CDX1: variants seen among roughly 807,000 people sequenced by gnomAD.
The protein encoded by CDX1 is caudal type homeobox 1.
CDX1 carries 9 observed loss-of-function variants against 16.9 expected under a neutral mutation model. That is an observed-to-expected ratio of 0.53 (90% CI 0.32 to 0.93). The LOEUF is 0.93. Ranked by LOEUF, CDX1 falls within the 40% of genes least tolerant of loss-of-function variation. The pLI is 0.04. For synonymous variants in CDX1, 179 were observed against 179.0 expected, an observed-to-expected ratio of 1.00 and a Z score of 0.00; for missense variants, 393 against 386.1, an observed-to-expected ratio of 1.02 and a Z score of -0.15.
chr5:150,176,996 G>C lies in CDX1; in HGVS notation c.446-5772G>C, dbSNP rs552082518. ...GAGCTGGATTTGTGGTCCAGGCCTT[G>C]GGGGGCCAAAGCTGGTCATCCACCA... On this transcript the variant is annotated intron_variant, in intron 1 of 2. Transcript: ENST00000231656. Among the ~76,000 whole-genome samples, 342 of 152,310 alleles carry C rather than the reference G, an allele frequency of 2.2e-3. 3 individuals carry two copies. In the Middle Eastern group the frequency reaches 0.034, roughly 15 times the overall value.
chr5:150,177,898 T>G (rs571665845), intron 1 of CDX1, among the ~76,000 whole-genome samples: 29 of 152,198 alleles, frequency 1.9e-4, no homozygotes, highest in African/African-American at 6.3e-4. Flanking sequence ...GTACCTCTGT[T>G]GGGCTCCACA....
intron 1 of CDX1, among the ~76,000 whole-genome samples, chr5:150,168,000 A>G (rs772203811): frequency 2.5e-4 from 38 of 152,090 alleles, no homozygotes; most frequent in South Asian, 6.2e-4. Flanking sequence ...GGCCTCTCTG[A>G]TCCGCCCTCT....
intron 1 of CDX1, among the ~76,000 whole-genome samples, chr5:150,168,301 G>T (rs1004885848): frequency 6.6e-6 from 1 of 152,112 alleles, no homozygotes; most frequent in Non-Finnish European, 1.5e-5. Context: ...CCACCTCCTC[G>T]CACTCTTCAC....
At chr5:150,176,424 G>A (rs146370988) in intron 1 of CDX1, among the ~76,000 whole-genome samples, 292 of 152,234 alleles carry the variant, frequency 1.9e-3, no homozygotes, top group East Asian at 3.5e-3. Context: ...TATGCCCTTC[G>A]TTTGTCATTC....
intron 1 of CDX1, among the ~76,000 whole-genome samples, chr5:150,180,014 G>C (rs1393037258): frequency 6.6e-6 from 1 of 152,234 alleles, no homozygotes; most frequent in Non-Finnish European, 1.5e-5. Context: ...GGTAGGACTG[G>C]AAGGGCTCAC....
chr5:150,167,885 C>T (rs992655680), intron 1 of CDX1, among the ~76,000 whole-genome samples: 1 of 152,216 alleles, frequency 6.6e-6, no homozygotes, highest in African/African-American at 2.4e-5. Context: ...CTTACCTTCT[C>T]AGGGTCCTCC....
intron 1 of CDX1, among the ~76,000 whole-genome samples, chr5:150,174,193 C>T (rs1034007899): frequency 2.0e-5 from 3 of 152,182 alleles, no homozygotes; most frequent in East Asian, 1.9e-4. Context: ...CGTGAGACTT[C>T]GGGAGCCACA....
At chr5:150,181,248 A>T (rs80300693) in intron 1 of CDX1, among the ~76,000 whole-genome samples, 8,487 of 152,124 alleles carry the variant, frequency 0.056, 278 homozygotes, top group Middle Eastern at 0.11. Flanking sequence ...GCCTCTCCCC[A>T]GATGTCTGCA....
chr5:150,180,209 T>C (rs1761624661), intron 1 of CDX1, among the ~76,000 whole-genome samples: 1 of 152,250 alleles, frequency 6.6e-6, no homozygotes, highest in Admixed American at 6.5e-5. Context: ...AGAACTGTTT[T>C]TGAGCCGGCG....
chr5:150,167,597 G>A lies in CDX1; in HGVS notation c.445+276G>A, dbSNP rs1008864789. Among the ~76,000 whole-genome samples the A allele has an allele frequency of 5.9e-5, 9 of 152,246 alleles. No homozygotes were observed. In the East Asian group the frequency reaches 7.7e-4, roughly 13 times the overall value. On this transcript the variant is annotated intron_variant, in intron 1 of 2. Coordinates refer to ENST00000231656, the MANE Select transcript of CDX1 (RefSeq NM_001804.3). ...AAATGCGCCTGCGGCCGCGGAGCAA[G>A]ACCCGAACTAGAACGCAGGCTCCCA...
intron 1 of CDX1, among the ~76,000 whole-genome samples, chr5:150,179,988 CCTGA>C (rs1320342523): frequency 6.6e-6 from 1 of 152,230 alleles, no homozygotes; most frequent in Admixed American, 6.5e-5. Flanking sequence ...CCTCAGTGAC[CCTGA>C]CTACACAGGG....
At chr5:150,181,436 C>T (rs1268076281) in intron 1 of CDX1, among the ~76,000 whole-genome samples, 5 of 152,076 alleles carry the variant, frequency 3.3e-5, no homozygotes, top group Non-Finnish European at 1.5e-5. Context: ...CCACCACGCC[C>T]GGCTAATTTT....
intron 1 of CDX1, among the ~76,000 whole-genome samples, chr5:150,177,366 T>G (rs943367811): frequency 4.6e-5 from 7 of 152,262 alleles, no homozygotes; most frequent in Non-Finnish European, 8.8e-5. Flanking sequence ...CTGGCATTCC[T>G]GCCAGATGGT....
chr5:150,183,299 A>G (rs1035861215), intron 2 of CDX1, among the ~76,000 whole-genome samples, 175 bp from the exon 3 acceptor site: 6 of 152,062 alleles, frequency 3.9e-5, no homozygotes, highest in African/African-American at 7.2e-5. Context: ...TAGGGGTGCA[A>G]TGTCTAGAGG....
intron 1 of CDX1, among the ~76,000 whole-genome samples, chr5:150,174,458 A>C (rs1043857948): frequency 6.6e-6 from 1 of 152,234 alleles, no homozygotes; most frequent in African/African-American, 2.4e-5. Flanking sequence ...CTTTGCAGCT[A>C]GTAGGCGTGT....
chr5:150,183,176 G>A (rs188634489), intron 2 of CDX1, among the ~76,000 whole-genome samples: 3 of 152,324 alleles, frequency 2.0e-5, no homozygotes, highest in Non-Finnish European at 4.4e-5. Flanking sequence ...GGAGGTGCAC[G>A]TGCTATTTAC....
chr5:150,184,435 G>A lies in CDX1; in HGVS notation c.*755G>A, dbSNP rs1011746807. ...CCAAGCAGAGCTCACAGCTGGACAG[G>A]TGTTGTATATAGAGTGGAATCTCTT... On this transcript the variant is annotated 3_prime_UTR_variant, in exon 3 of 3. Coordinates refer to ENST00000231656, the MANE Select transcript of CDX1 (RefSeq NM_001804.3). 3.9e-5 allele frequency: 6 copies of A among 152,226 alleles called. No homozygotes were observed. Among genetic ancestry groups the A allele is most frequent in the Non-Finnish European group, 7.3e-5 (5 of 68,046 alleles). 9.4% of individuals were successfully genotyped at this position (152,226 alleles called of 1,614,324 possible).
chr5:150,172,097 G>A (rs1162487919), intron 1 of CDX1, among the ~76,000 whole-genome samples: 3 of 152,124 alleles, frequency 2.0e-5, no homozygotes, highest in African/African-American at 7.2e-5. Flanking sequence ...CTCAAATGCT[G>A]CTCCTTCTCC....
chr5:150,173,399 T>A (rs1761531542), intron 1 of CDX1, among the ~76,000 whole-genome samples: 1 of 152,124 alleles, frequency 6.6e-6, no homozygotes, highest in South Asian at 2.1e-4. Flanking sequence ...CTGCTCACTC[T>A]CCCTGGAATG....
Sources: gnomAD v4.1 joint callset for allele counts (sites outside exome capture counted in the v4.1 genomes callset) on GRCh38, gnomAD v4.1.1 for gene constraint, MANE v1.5 for transcripts, NCBI Gene and HGNC (gene_info 2026-07-23, HGNC 2026-07-21) for gene names.